Variants in STAT3 observed in about 807,000 individuals in gnomAD.
STAT3 encodes DNA-binding protein APRF.
STAT3 carries 7 observed loss-of-function variants against 114.3 expected under a neutral mutation model. The ratio of observed to expected loss-of-function variants is 0.06; its 90% CI spans 0.03 to 0.11. The LOEUF (loss-of-function observed/expected upper bound fraction) is 0.11, where lower values mean the gene tolerates loss of function less well. Ranked by LOEUF, STAT3 falls within the 10% of genes least tolerant of loss-of-function variation. The probability of loss-of-function intolerance (pLI) is 1.00; values close to 1 mark genes in which losing one functional copy is unlikely to be tolerated. For synonymous variants in STAT3, 331 were observed against 354.5 expected (o/e 0.93, Z 0.74); for missense variants, 364 against 960.9 (o/e 0.38, Z 8.21).
intron 4 of STAT3, among the ~76,000 whole-genome samples, chr17:42,344,374 A>G (rs1047927316): frequency 6.7e-6 from 1 of 149,898 alleles, no homozygotes; most frequent in African/African-American, 2.5e-5. Context: ...GTGAGCTGAG[A>G]TCACGCCACT....
At position 42,362,353 on chromosome 17, in the gene STAT3, A is replaced by G. The variant is rs1014764354; in HGVS notation, c.-23-13814T>C. On this transcript the variant is annotated intron_variant, in intron 1 of 23. Coordinates refer to ENST00000264657, the MANE Select transcript of STAT3 (RefSeq NM_139276.3). ...GGCAAGAGAAAAATCAGGCAGAAAC[A>G]TCAGAGCCAAAATGCATAGGGGGCC... 3.9e-5 allele frequency among the ~76,000 whole-genome samples: 6 copies of G among 152,202 alleles called. No homozygotes were observed. The East Asian group carries it at 9.6e-4, about 24-fold the overall frequency.
At chr17:42,319,472 G>C (rs2081377611) in intron 21 of STAT3, among the ~76,000 whole-genome samples, 1 of 146,002 alleles carries the variant, frequency 6.8e-6, no homozygotes. Context: ...AACCTGGGAG[G>C]CAGAGGTTTC....
At chr17:42,376,438 T>A (rs1311208910) in intron 1 of STAT3, among the ~76,000 whole-genome samples, 1 of 150,954 alleles carries the variant, frequency 6.6e-6, no homozygotes, top group African/African-American at 2.4e-5. Flanking sequence ...TCCCAGCTAC[T>A]CAGGAGGCTG....
At chr17:42,345,426 G>T in intron 4 of STAT3, 133 bp downstream of exon 4, 1 of 756,438 alleles carries the variant, frequency 1.3e-6, no homozygotes, top group Non-Finnish European at 2.2e-6. Flanking sequence ...GTTTTTCAAT[G>T]TATTTTTATG....
Position 42,334,028 on chromosome 17 carries a change from A to C in STAT3, c.819T>G (p.Ser273=), listed in dbSNP as rs2082129341. ...TAATTTGTTGACGGGTCTGAAGTTGAGATTCTGCTAATGACGTTATCCTGC... is the reference window on the plus strand; with the variant it reads ...TAATTTGTTGACGGGTCTGAAGTTGCGATTCTGCTAATGACGTTATCCTGC... ...LENWITSLAE[S]QLQTRQQIKK... is the part of the protein sequence containing the mutation. The change falls in exon 9 of 24, where the codon TCT becomes TCG. Residue 273 remains serine, a synonymous_variant. Transcript: ENST00000264657. The C allele has an allele frequency of 6.2e-7, 1 of 1,614,170 alleles. No individual in the cohort carries two copies. The highest frequency in any genetic ancestry group is 8.5e-7 in the Non-Finnish European group (1 of 1,180,038).
At chr17:42,382,553 G>A (rs1429288252) in intron 1 of STAT3, among the ~76,000 whole-genome samples, 4 of 152,128 alleles carry the variant, frequency 2.6e-5, no homozygotes, top group African/African-American at 9.7e-5. Flanking sequence ...TCATGAAAAC[G>A]GACAATATTT....
At chr17:42,388,065 C>T (rs1598556642) in intron 1 of STAT3, 2 of 547,560 alleles carry the variant, frequency 3.7e-6, no homozygotes, top group East Asian at 3.5e-5. Context: ...CTCCGAAGAA[C>T]GAAACTTCCC....
At chr17:42,360,712 G>A (rs994820554) in intron 1 of STAT3, among the ~76,000 whole-genome samples, 10 of 151,930 alleles carry the variant, frequency 6.6e-5, no homozygotes, top group African/African-American at 2.4e-4. Flanking sequence ...ACTAGCCAAT[G>A]TGATCTTATG....
Position 42,345,821 on chromosome 17 carries a change from G to C in STAT3, c.274-164C>G, listed in dbSNP as rs3736162. On this transcript the variant is annotated intron_variant, in intron 3 of 23. Transcript: ENST00000264657. The stretch of plus-strand genomic sequence containing the variant: ...TGGGTGAAGGCTCTCTGTCGGCGGG[G>C]GGCGAAGGGGAGGTCGTTACTATTT... Among the ~76,000 whole-genome samples the C allele has an allele frequency of 0.29, 43,830 of 151,058 alleles. 6,614 individuals are homozygous for C. Among genetic ancestry groups the C allele is most frequent in the East Asian group, 0.4 (2,031 of 5,134 alleles).
At chr17:42,379,888 C>A (rs1351179777) in intron 1 of STAT3, among the ~76,000 whole-genome samples, 1 of 152,146 alleles carries the variant, frequency 6.6e-6, no homozygotes, top group Non-Finnish European at 1.5e-5. Flanking sequence ...CATCCCTATT[C>A]ATTTAGTTTT....
At chr17:42,347,237 A>G (rs907032148) in intron 2 of STAT3, among the ~76,000 whole-genome samples, 10 of 151,544 alleles carry the variant, frequency 6.6e-5, no homozygotes, top group African/African-American at 2.4e-4. Flanking sequence ...TCCAGATATT[A>G]TTACCCACTC....
At chr17:42,362,798 C>T (rs1416710871) in intron 1 of STAT3, among the ~76,000 whole-genome samples, 1 of 152,212 alleles carries the variant, frequency 6.6e-6, no homozygotes, top group Non-Finnish European at 1.5e-5. Context: ...GACATCCTGG[C>T]TGGCTCTGCC....
chr17:42,327,031 C>T (rs550965798), intron 14 of STAT3, among the ~76,000 whole-genome samples: 3 of 152,252 alleles, frequency 2.0e-5, no homozygotes, highest in African/African-American at 7.2e-5. Context: ...TGCTGTGATC[C>T]TCAACCTAAT....
At chr17:42,363,970 T>C (rs1228966784) in intron 1 of STAT3, among the ~76,000 whole-genome samples, 2 of 152,124 alleles carry the variant, frequency 1.3e-5, no homozygotes, top group African/African-American at 4.8e-5. Context: ...CCACGGTACA[T>C]ATATAAGCAT....
chr17:42,322,978 G>A (rs2081544626), intron 20 of STAT3, 26 bp downstream of exon 20: 3 of 1,612,934 alleles, frequency 1.9e-6, no homozygotes, highest in Non-Finnish European at 2.5e-6. Context: ...CCACCAGCAG[G>A]TGGGGTGGGT....
intron 8 of STAT3, among the ~76,000 whole-genome samples, chr17:42,336,248 T>A (rs1038158810): frequency 5.3e-5 from 8 of 152,244 alleles, no homozygotes; most frequent in Non-Finnish European, 1.0e-4. Context: ...CAGGAAGGGT[T>A]GCAGTAAGAT....
At chr17:42,378,800 A>G (rs1403014984) in intron 1 of STAT3, among the ~76,000 whole-genome samples, 1 of 152,210 alleles carries the variant, frequency 6.6e-6, no homozygotes, top group Non-Finnish European at 1.5e-5. Flanking sequence ...TTTCAAGATT[A>G]CATTGTGGGG....
intron 1 of STAT3, among the ~76,000 whole-genome samples, chr17:42,357,153 A>G (rs1018176627): frequency 6.6e-6 from 1 of 152,170 alleles, no homozygotes; most frequent in Non-Finnish European, 1.5e-5. Context: ...TTTTCAATAC[A>G]ACCCTGCTAA....
intron 23 of STAT3, 68 bp downstream of exon 23, chr17:42,316,721 T>C: frequency 6.2e-7 from 1 of 1,606,600 alleles, no homozygotes; most frequent in Non-Finnish European, 8.5e-7. Context: ...GGTGTGTACA[T>C]GTGAGAGCAT....
Sources: gnomAD v4.1 joint callset for allele counts (sites outside exome capture counted in the v4.1 genomes callset) on GRCh38, gnomAD v4.1.1 for gene constraint, MANE v1.5 for transcripts, NCBI Gene and HGNC (gene_info 2026-07-23, HGNC 2026-07-21) for gene names.